The following HSPA2 variants were observed in gnomAD, a reference collection of about 807,000 sequenced individuals.
The protein encoded by HSPA2 is heat shock-related 70 kDa protein 2.
HSPA2 carries 13 observed loss-of-function variants against 35.0 expected under a neutral mutation model. The ratio of observed to expected loss-of-function variants is 0.37; its 90% CI spans 0.24 to 0.59. The LOEUF is 0.59. Ranked by LOEUF, HSPA2 falls within the 20% of genes least tolerant of loss-of-function variation. HSPA2 has a pLI of 0.70. For missense variants in HSPA2, 565 were observed against 885.4 expected (o/e 0.64, Z 4.59); for synonymous variants, 368 against 382.1 (o/e 0.96, Z 0.43).
Position 64,541,305 on chromosome 14 carries a change from C to A in HSPA2, c.456C>A (p.Asn152Lys). 2.5e-6 allele frequency: 4 copies of A among 1,613,760 alleles called. No homozygotes were observed. In the South Asian group the frequency reaches 4.4e-5, roughly 18 times the overall value. The change falls in exon 1 of 1, where the codon AAC becomes AAA. Residue 152 changes from asparagine (N) to lysine (K), a missense_variant. Physicochemically the swap from Asn to Lys is moderately conservative, Grantham distance 94 (BLOSUM62 0). Transcript: ENST00000247207. ...SAVITVPAYFNDSQRQATKDA... is the reference protein window; with the variant it reads ...SAVITVPAYFKDSQRQATKDA... Reference sequence around the variant, plus strand: ...TCATAACGGTCCCGGCCTATTTCAACGACTCGCAGCGCCAGGCCACCAAGG... The same window carrying A: ...TCATAACGGTCCCGGCCTATTTCAAAGACTCGCAGCGCCAGGCCACCAAGG...
rs767242911 is a variant in HSPA2, at chr14:64,542,254, C to T, written c.1405C>T (p.Pro469Ser). 2.4e-5 allele frequency: 38 copies of T among 1,613,896 alleles called. No homozygotes were observed. In the Middle Eastern group the frequency reaches 6.6e-4, roughly 28 times the overall value. ...CAAGTTCGACCTGACCGGGATTCCC[C>T]CTGCGCCTCGCGGGGTCCCCCAAAT... ...LGKFDLTGIP[P>S]APRGVPQIEV... Residue 469 changes from proline to serine, a missense_variant, in exon 1 of 1, where the codon CCT becomes TCT. Physicochemically the swap from Pro to Ser is moderately conservative, Grantham distance 74. This residue lies in a region of HSPA2 where 234 missense variants were observed against 419.0 expected (regional missense o/e 0.56). Transcript: ENST00000247207. This position sits in a 1 kb window ranked among gnomAD's most constrained non-coding sequence, Gnocchi z 5.7.
chr14:64,536,287 G>A (rs12432891), upstream of HSPA2, among the ~76,000 whole-genome samples: 96,202 of 152,050 alleles, frequency 0.63, 31,761 homozygotes, highest in East Asian at 0.86. Flanking sequence ...TTACGGCTGC[G>A]TAAGAATTCA....
At chr14:64,536,085 C>A (rs779935167), upstream of HSPA2, 2 of 152,118 alleles carry the variant, frequency 1.3e-5, no homozygotes, top group Admixed American at 1.3e-4. Context: ...TTCTCAAAAT[C>A]AATTGTAAAA....
chr14:64,542,939 A>G lies in HSPA2; in HGVS notation c.*170A>G. Reference sequence around the variant, plus strand: ...ACTTAGTTTAATTATAAAAGTTCCAAAGTTTGTTTTTTAAAAACATTATTC... The same window carrying G: ...ACTTAGTTTAATTATAAAAGTTCCAGAGTTTGTTTTTTAAAAACATTATTC... On this transcript the variant is annotated 3_prime_UTR_variant, in exon 1 of 1. Coordinates refer to ENST00000247207, the MANE Select transcript of HSPA2 (RefSeq NM_021979.4). The surrounding 1 kb of genome is among the most constrained non-coding windows in gnomAD (Gnocchi z 5.7). The G allele has an allele frequency of 2.5e-6, 3 of 1,199,298 alleles. No individual in the cohort carries two copies. Among genetic ancestry groups the G allele is most frequent in the Non-Finnish European group, 1.1e-6 (1 of 876,828 alleles). The allele number at this position is 1,199,298 out of a possible 1,614,324, so 74.3% of individuals were successfully genotyped here.
Position 64,541,135 on chromosome 14 carries a change from G to C in HSPA2, c.286G>C (p.Val96Leu), listed in dbSNP as rs2080026540. ...TATGAAACACTGGCCGTTCCGGGTG[G>C]TGAGCGAGGGAGGCAAGCCCAAAGT... Reference protein sequence around the residue: ...SDMKHWPFRVVSEGGKPKVQV... With the variant: ...SDMKHWPFRVLSEGGKPKVQV... Residue 96 changes from valine (V) to leucine (L), a missense_variant, in exon 1 of 1, where the codon GTG becomes CTG. Coordinates refer to ENST00000247207, the MANE Select transcript of HSPA2 (RefSeq NM_021979.4). The C allele has an allele frequency of 1.2e-6, 2 of 1,614,110 alleles. No individual in the cohort carries two copies. The highest frequency in any genetic ancestry group is 1.1e-5 in the South Asian group (1 of 91,096).
rs2080021749 is a variant in HSPA2 at position 64,540,769 on chromosome 14, G to T, written c.-81G>T. On this transcript the variant is annotated 5_prime_UTR_variant, in exon 1 of 1. Transcript: ENST00000247207. ...TTGCTGGTAGTGCCCGTGGTGCTTG[G>T]TTCGAGGTGGCCGTTAGTTGACTCC... 1.3e-6 allele frequency: 2 copies of T among 1,567,620 alleles called. No individual in the cohort carries two copies. The highest frequency in any genetic ancestry group is 1.7e-6 in the Non-Finnish European group (2 of 1,156,310).
At chr14:64,540,097 A>G (rs2080012757), upstream of HSPA2, among the ~76,000 whole-genome samples, 1 of 151,890 alleles carries the variant, frequency 6.6e-6, no homozygotes, top group South Asian at 2.1e-4. Context: ...ATCCCCGTCC[A>G]AGGGATCCGC....
Position 64,541,938 on chromosome 14 carries a change from C to G in HSPA2, c.1089C>G (p.Asn363Lys). The G allele has an allele frequency of 1.2e-6, 2 of 1,613,632 alleles. No homozygotes were observed. The highest frequency in any genetic ancestry group is 1.7e-6 in the Non-Finnish European group (2 of 1,180,034). Residue 363 changes from asparagine (N) to lysine (K), a missense_variant, in exon 1 of 1, where the codon AAC (asparagine) becomes AAG (lysine). Coordinates refer to ENST00000247207, the MANE Select transcript of HSPA2 (RefSeq NM_021979.4). ...LQDFFNGKEL[N>K]KSINPDEAVA... is the part of the protein sequence containing the mutation. ...ATTTCTTCAACGGCAAGGAGCTGAA[C>G]AAGAGCATCAACCCCGACGAGGCGG...
upstream of HSPA2, chr14:64,540,494 C>CA (rs2080018012): frequency 1.0e-5 from 3 of 287,058 alleles, no homozygotes; most frequent in Non-Finnish European, 6.6e-6. Flanking sequence ...CGCGAGGCAC[C>CA]ACGGCCTGGC....
upstream of HSPA2, among the ~76,000 whole-genome samples, chr14:64,539,694 T>C (rs2080008424): frequency 1.3e-5 from 2 of 152,000 alleles, no homozygotes; most frequent in African/African-American, 4.8e-5. Flanking sequence ...TTTTTTTGTT[T>C]TTTTTGAGAC....
rs536762997 is a variant in HSPA2, at chr14:64,542,409, G to A, written c.1560G>A (p.Arg520=). The part of the protein sequence containing the change: ...KGRLSKDDID[R]MVQEAERYKS... ...GTCTGAGCAAGGACGACATTGACCG[G>A]ATGGTGCAGGAGGCGGAGCGGTACA... The change falls in exon 1 of 1, where the codon CGG becomes CGA. Residue 520 remains arginine (R), a synonymous_variant. Transcript: ENST00000247207. This position sits in a 1 kb window ranked among gnomAD's most constrained non-coding sequence, Gnocchi z 5.7. 2.0e-5 allele frequency: 33 copies of A among 1,613,970 alleles called. No homozygotes were observed. In the South Asian group the frequency reaches 3.2e-4, roughly 16 times the overall value.
chr14:64,537,787 G>T (rs183718287), upstream of HSPA2, among the ~76,000 whole-genome samples: 42 of 148,866 alleles, frequency 2.8e-4, no homozygotes, highest in African/African-American at 8.8e-4. Flanking sequence ...GAGTGCAGTG[G>T]CGTGATCTCA....
rs751570901 is a variant in HSPA2, at chr14:64,542,211, G to T, written c.1362G>T (p.Lys454Asn). Residue 454 changes from lysine to asparagine, a missense_variant, in exon 1 of 1, where the codon AAG (lysine) becomes AAT (asparagine). Lys to Asn is a moderately conservative substitution (Grantham distance 94). Around this residue, in one of 4 missense-constraint regions of HSPA2, gnomAD observed 234 missense variants for 419.0 expected, o/e 0.56. Transcript: ENST00000247207. The surrounding 1 kb of genome is among the most constrained non-coding windows in gnomAD (Gnocchi z 5.7). ...QVYEGERAMT[K>N]DNNLLGKFDL... ...ACGAGGGCGAACGGGCCATGACCAA[G>T]GACAATAACCTGCTGGGCAAGTTCG... 6.2e-7 allele frequency: 1 copy of T among 1,613,906 alleles called. No homozygotes were observed. The highest frequency in any genetic ancestry group is 2.2e-5 in the East Asian group (1 of 44,824).
upstream of HSPA2, among the ~76,000 whole-genome samples, chr14:64,539,681 GT>G (rs45627137): frequency 0.064 from 9,686 of 151,286 alleles, 357 homozygotes; most frequent in Non-Finnish European, 0.086. Context: ...AGGCAGTGGG[GT>G]TTTTTTTTGT....
chr14:64,542,884 G>T lies in HSPA2; in HGVS notation c.*115G>T. On this transcript the variant is annotated 3_prime_UTR_variant, in exon 1 of 1. Coordinates refer to ENST00000247207, the MANE Select transcript of HSPA2 (RefSeq NM_021979.4). This position sits in a 1 kb window ranked among gnomAD's most constrained non-coding sequence, Gnocchi z 5.7. ...CGAGATCTATTGTTGGAAGTCTTTG[G>T]TATATGCAAATGAAAGGAGAGGTGC... 1 of 1,431,168 alleles carries T rather than the reference G, an allele frequency of 7.0e-7. No homozygotes were observed. The highest frequency in any genetic ancestry group is 1.4e-5 in the African/African-American group (1 of 69,270). 88.7% of individuals were successfully genotyped at this position (1,431,168 alleles called of 1,614,324 possible).
chr14:64,541,737 C>T lies in HSPA2; in HGVS notation c.888C>T (p.Phe296=), dbSNP rs1380818665. 1.9e-6 allele frequency: 3 copies of T among 1,612,018 alleles called. No individual in the cohort carries two copies. Among genetic ancestry groups the T allele is most frequent in the Non-Finnish European group, 2.5e-6 (3 of 1,179,586 alleles). ...ACTCGCTCTACGAGGGCGTGGACTT[C>T]TATACGTCCATCACGCGCGCCCGCT... The part of the protein sequence containing the change: ...EIDSLYEGVD[F]YTSITRARFE... The change falls in exon 1 of 1, where the codon TTC becomes TTT. Residue 296 remains phenylalanine (F), a synonymous_variant. Transcript: ENST00000247207.
In HSPA2 at chr14:64,541,755, C is replaced by T. The variant is rs576630076; in HGVS notation, c.906C>T (p.Arg302=). The T allele has an allele frequency of 3.6e-5, 58 of 1,612,510 alleles. No homozygotes were observed. In the South Asian group the frequency reaches 6.3e-4, roughly 17 times the overall value. Residue 302 remains arginine, a synonymous_variant, in exon 1 of 1, where the codon CGC becomes CGT. Transcript: ENST00000247207. Reference sequence around the variant, plus strand: ...TGGACTTCTATACGTCCATCACGCGCGCCCGCTTCGAGGAGCTCAATGCCG... The same window carrying T: ...TGGACTTCTATACGTCCATCACGCGTGCCCGCTTCGAGGAGCTCAATGCCG... ...EGVDFYTSIT[R]ARFEELNADL...
chr14:64,539,278 A>T (rs1372557339), upstream of HSPA2, among the ~76,000 whole-genome samples: 2 of 152,014 alleles, frequency 1.3e-5, no homozygotes, highest in South Asian at 2.1e-4. Context: ...AGCCAAAGAA[A>T]ATCATTCCAT....
At position 64,541,813 on chromosome 14, in the gene HSPA2, A is replaced by G. The variant is rs771395783; in HGVS notation, c.964A>G (p.Lys322Glu). The change falls in exon 1 of 1, where the codon AAG becomes GAG. Residue 322 changes from lysine to glutamate, a missense_variant. By Grantham distance (56) the Lys-to-Glu change is moderately conservative. Transcript: ENST00000247207. Reference sequence around the variant, plus strand: ...TCGCGGGACCCTGGAGCCGGTGGAGAAGGCGCTGCGCGACGCCAAGCTGGA... The same window carrying G: ...TCGCGGGACCCTGGAGCCGGTGGAGGAGGCGCTGCGCGACGCCAAGCTGGA... ...LFRGTLEPVE[K>E]ALRDAKLDKG... 6.2e-7 allele frequency: 1 copy of G among 1,613,528 alleles called. No homozygotes were observed. Among genetic ancestry groups the G allele is most frequent in the Non-Finnish European group, 8.5e-7 (1 of 1,180,022 alleles).
Sources: gnomAD v4.1 joint callset for allele counts (sites outside exome capture counted in the v4.1 genomes callset) on GRCh38, gnomAD v4.1.1 for gene constraint, gnomAD v4.1.1 regional missense constraint, Gnocchi (gnomAD v3.1) non-coding constraint, MANE v1.5 for transcripts, NCBI Gene and HGNC (gene_info 2026-07-23, HGNC 2026-07-21) for gene names.